Variants in ZCWPW2 observed in about 807,000 individuals in gnomAD.
ZCWPW2 encodes zinc finger CW-type and PWWP domain containing 2.
In ZCWPW2, 45 loss-of-function variants were observed where a neutral mutation model predicts 46.6. That is an observed-to-expected ratio of 0.96 (90% CI 0.76 to 1.24). ZCWPW2 has a LOEUF of 1.24. Among genes scored for constraint, ZCWPW2 ranks in the 50% most tolerant of loss-of-function variants. The pLI is 0.00. For synonymous variants in ZCWPW2, 152 were observed against 137.1 expected (o/e 1.11, Z -0.76); for missense variants, 429 against 403.9 (o/e 1.06, Z -0.53).
At chr3:28,469,702 G>T (rs79634430) in intron 4 of ZCWPW2, among the ~76,000 whole-genome samples, 2 of 150,930 alleles carry the variant, frequency 1.3e-5, no homozygotes, top group East Asian at 3.9e-4. Context: ...ATATATGCAT[G>T]TATATGTGTG....
chr3:28,358,253 C>G (rs1298969596), intron 1 of ZCWPW2, among the ~76,000 whole-genome samples: 1 of 152,030 alleles, frequency 6.6e-6, no homozygotes, highest in African/African-American at 2.4e-5. Flanking sequence ...TCTTAAATTC[C>G]TGAAATGACT....
intron 5 of ZCWPW2, among the ~76,000 whole-genome samples, chr3:28,484,825 G>A (rs557030687): frequency 8.8e-4 from 133 of 151,148 alleles, no homozygotes; most frequent in South Asian, 4.8e-3. Flanking sequence ...TTCCTCTCTA[G>A]AGTCTCAATT....
chr3:28,492,323 A>G, intron 6 of ZCWPW2, 150 bp downstream of exon 6: 1 of 647,096 alleles, frequency 1.5e-6, no homozygotes, highest in Non-Finnish European at 2.5e-6. Context: ...TTCCTTTCTT[A>G]GGTTAATACT....
intron 4 of ZCWPW2, among the ~76,000 whole-genome samples, chr3:28,465,259 A>G (rs905245586): frequency 6.6e-6 from 1 of 152,214 alleles, no homozygotes; most frequent in African/African-American, 2.4e-5. Flanking sequence ...TCATTCAAGC[A>G]TGATGTTCAT....
intron 2 of ZCWPW2, among the ~76,000 whole-genome samples, chr3:28,398,953 G>A (rs1224369874): frequency 1.3e-5 from 2 of 152,176 alleles, no homozygotes; most frequent in Non-Finnish European, 2.9e-5. Context: ...ACTCAGAGGA[G>A]GGCATGAATC....
rs749932505 is a variant in ZCWPW2 at position 28,514,114 on chromosome 3, A to G, written c.708A>G (p.Lys236=). 1 of 1,489,316 alleles carries G rather than the reference A, an allele frequency of 6.7e-7. No individual in the cohort carries two copies. The highest frequency in any genetic ancestry group is 9.2e-7 in the Non-Finnish European group (1 of 1,088,040). 92.3% of individuals were successfully genotyped at this position (1,489,316 alleles called of 1,614,324 possible). A position where few individuals can be genotyped will look rare whatever the true frequency, so the allele number is the denominator to read the frequency against. Residue 236 remains lysine (K), a synonymous_variant, in exon 7 of 10, where the codon AAA becomes AAG. Coordinates refer to ENST00000383768, the MANE Select transcript of ZCWPW2 (RefSeq NM_001040432.4). ...NIEKKKPKFR[K]RKRKAILKCS... is the part of the protein sequence containing the mutation. Reference sequence around the variant, plus strand: ...AAAAGAAGAAGCCCAAATTTAGAAAAAGGAAAAGGTATGCTTTTTGAAATT... The same window carrying G: ...AAAAGAAGAAGCCCAAATTTAGAAAGAGGAAAAGGTATGCTTTTTGAAATT...
At chr3:28,426,810 A>T (rs1241802104) in intron 3 of ZCWPW2, among the ~76,000 whole-genome samples, 2 of 152,208 alleles carry the variant, frequency 1.3e-5, no homozygotes, top group Admixed American at 1.3e-4. Context: ...CTCTCCACTT[A>T]TACATCCAAA....
intron 3 of ZCWPW2, among the ~76,000 whole-genome samples, chr3:28,414,187 TTTTCTC>T (rs1696537905): frequency 6.6e-6 from 1 of 152,052 alleles, no homozygotes; most frequent in African/African-American, 2.4e-5. Context: ...CTTGAACTGT[TTTTCTC>T]TTTTCAATTT....
At chr3:28,387,052 G>C (rs1695302863) in intron 1 of ZCWPW2, among the ~76,000 whole-genome samples, 1 of 152,146 alleles carries the variant, frequency 6.6e-6, no homozygotes, top group South Asian at 2.1e-4. Flanking sequence ...CCCAGCATCA[G>C]CTCTCTCTGC....
chr3:28,384,227 C>A (rs1695194962), intron 1 of ZCWPW2, among the ~76,000 whole-genome samples: 1 of 152,132 alleles, frequency 6.6e-6, no homozygotes, highest in South Asian at 2.1e-4. Context: ...TTTCTCTACC[C>A]ATGGAATATG....
At chr3:28,480,220 C>T (rs1036315323) in intron 5 of ZCWPW2, among the ~76,000 whole-genome samples, 5 of 152,178 alleles carry the variant, frequency 3.3e-5, no homozygotes, top group Non-Finnish European at 7.4e-5. Flanking sequence ...TCCTCAACCT[C>T]ACCACCATCT....
At chr3:28,513,165 T>C (rs377451559) in intron 6 of ZCWPW2, among the ~76,000 whole-genome samples, 6 of 152,318 alleles carry the variant, frequency 3.9e-5, no homozygotes, top group African/African-American at 1.2e-4. Flanking sequence ...AGTGCAAATA[T>C]AATTATTTTA....
chr3:28,498,142 A>G (rs1700045415), intron 6 of ZCWPW2, among the ~76,000 whole-genome samples: 1 of 152,036 alleles, frequency 6.6e-6, no homozygotes, highest in Non-Finnish European at 1.5e-5. Context: ...CTAAAAAACA[A>G]TAGTGTACCC....
chr3:28,353,874 G>T (rs892316798), intron 1 of ZCWPW2, among the ~76,000 whole-genome samples: 1 of 152,194 alleles, frequency 6.6e-6, no homozygotes, highest in Non-Finnish European at 1.5e-5. Context: ...GATTGTAAGA[G>T]AAGACTCAGT....
At chr3:28,412,824 C>A (rs1464615338) in intron 2 of ZCWPW2, among the ~76,000 whole-genome samples, 1 of 151,816 alleles carries the variant, frequency 6.6e-6, no homozygotes, top group African/African-American at 2.4e-5. Flanking sequence ...TCATATTTTT[C>A]TTATTTTTAA....
intron 2 of ZCWPW2, among the ~76,000 whole-genome samples, chr3:28,399,475 C>T (rs907981558): frequency 6.6e-5 from 10 of 152,178 alleles, no homozygotes; most frequent in African/African-American, 2.4e-4. Flanking sequence ...AGGAGGCCAA[C>T]CAGCACAAAA....
At position 28,524,649 on chromosome 3, in the gene ZCWPW2, T is replaced by C. The variant is rs766856908; in HGVS notation, c.1032T>C (p.Asn344=). ...GAGAATGTATTGAGGATATAACTAA[T>C]AAATTTAAAGAAATAGATGCTTTGA... The part of the protein sequence containing the change: ...KAGECIEDIT[N]KFKEIDALMS... The change falls in exon 10 of 10, where the codon AAT becomes AAC. Residue 344 remains asparagine (N), a synonymous_variant. Coordinates refer to ENST00000383768, the MANE Select transcript of ZCWPW2 (RefSeq NM_001040432.4). The C allele has an allele frequency of 1.3e-5, 20 of 1,580,876 alleles. No individual in the cohort carries two copies. The highest frequency in any genetic ancestry group is 1.8e-5 in the Admixed American group (1 of 55,048).
intron 4 of ZCWPW2, among the ~76,000 whole-genome samples, chr3:28,446,590 C>T (rs1040437801): frequency 3.3e-5 from 5 of 151,582 alleles, no homozygotes; most frequent in Non-Finnish European, 7.4e-5. Context: ...TTCAAATCAA[C>T]AACTTAACTT....
At chr3:28,426,997 T>G (rs1384109032) in intron 3 of ZCWPW2, among the ~76,000 whole-genome samples, 2 of 152,222 alleles carry the variant, frequency 1.3e-5, no homozygotes, top group Non-Finnish European at 2.9e-5. Context: ...TTGAGCCTAC[T>G]TGTCCTGCCA....
Sources: allele counts gnomAD v4.1 joint callset (sites outside exome capture counted in the v4.1 genomes callset), GRCh38; gene constraint gnomAD v4.1.1; transcripts MANE v1.5; gene names NCBI Gene and HGNC (gene_info 2026-07-23, HGNC 2026-07-21).